DTD1: variants seen among roughly 807,000 people sequenced by gnomAD.
DTD1 encodes D-aminoacyl-tRNA deacylase 1, also known as D-tyrosyl-tRNA deacylase 1 homolog.
Under a neutral mutation model 25.6 loss-of-function variants are expected in DTD1, and 13 were observed. That is an observed-to-expected ratio of 0.51 (90% CI 0.33 to 0.81). The LOEUF (loss-of-function observed/expected upper bound fraction) is 0.81, where lower values mean the gene tolerates loss of function less well. Among genes scored for constraint, DTD1 ranks in the 30% least tolerant of loss-of-function variants. The pLI is 0.02. For missense variants in DTD1, 193 were observed against 266.4 expected (o/e 0.72, Z 1.92); for synonymous variants, 110 against 103.6 (o/e 1.06, Z -0.37).
Position 18,610,878 on chromosome 20 carries a change from C to T in DTD1, c.370+14637C>T, listed in dbSNP as rs951718981. 2.0e-5 allele frequency among the ~76,000 whole-genome samples: 3 copies of T among 152,376 alleles called. No individual in the cohort carries two copies. In the East Asian group the frequency reaches 5.8e-4, roughly 29 times the overall value. On this transcript the variant is annotated intron_variant, in intron 3 of 5. Coordinates refer to ENST00000377452, the MANE Select transcript of DTD1 (RefSeq NM_080820.6). ...AGTGAGCTGAGATGGTGCTGCTGCA[C>T]TCCAGCCTGGGTGACAGAGCGAGAC... is the stretch of plus-strand genomic sequence containing the variant.
In DTD1 at chr20:18,672,122, T is replaced by A. The variant is rs929447195; in HGVS notation, c.477+43889T>A. Among the ~76,000 whole-genome samples the A allele has an allele frequency of 2.6e-4, 40 of 152,056 alleles. 1 individual carries two copies. Among genetic ancestry groups the A allele is most frequent in the African/African-American group, 9.7e-4 (40 of 41,392 alleles). ...GGTGGTGCATGCCTGTGGTCTCAGC[T>A]ACTCAGGAGGCTGAGGTGGGCAGAT... On this transcript the variant is annotated intron_variant, in intron 4 of 5. Coordinates refer to ENST00000377452, the MANE Select transcript of DTD1 (RefSeq NM_080820.6).
At chr20:18,706,516 C>T (rs775233510) in intron 4 of DTD1, among the ~76,000 whole-genome samples, 3 of 152,102 alleles carry the variant, frequency 2.0e-5, no homozygotes, top group Non-Finnish European at 1.5e-5. Flanking sequence ...TGAATGTGGG[C>T]AGTTCAGCAT....
chr20:18,706,713 A>T lies in DTD1; in HGVS notation c.478-37387A>T, dbSNP rs144886886. Among the ~76,000 whole-genome samples the T allele has an allele frequency of 3.1e-3, 474 of 152,316 alleles. 4 individuals carry two copies. The highest frequency in any genetic ancestry group is 5.2e-3 in the Non-Finnish European group (356 of 68,020). On this transcript the variant is annotated intron_variant, in intron 4 of 5. Coordinates refer to ENST00000377452, the MANE Select transcript of DTD1 (RefSeq NM_080820.6). ...AATGACCTTTTACTTGTGTTCTCTG[A>T]GGCAGATCAAGTGGAGTTTATTTCT...
intron 4 of DTD1, among the ~76,000 whole-genome samples, chr20:18,708,295 A>ATT (rs1568676985): frequency 1.7e-5 from 1 of 59,220 alleles, no homozygotes; most frequent in African/African-American, 6.9e-5. Flanking sequence ...TTATATATAT[A>ATT]TAATATATAT....
At chr20:18,631,388 G>A in intron 4 of DTD1, 1 of 985,762 alleles carries the variant, frequency 1.0e-6, no homozygotes, top group Non-Finnish European at 1.2e-6. Flanking sequence ...ACTGACCTGG[G>A]CTTTGGAGCC....
chr20:18,632,032 A>C, intron 4 of DTD1: 2 of 847,074 alleles, frequency 2.4e-6, no homozygotes, highest in Non-Finnish European at 2.8e-6. Flanking sequence ...AGGAATTCTC[A>C]GCACACACAG....
chr20:18,593,824 A>G lies in DTD1; in HGVS notation c.134+3A>G. 6.2e-7 allele frequency: 1 copy of G among 1,612,294 alleles called. No individual in the cohort carries two copies. The highest frequency in any genetic ancestry group is 8.5e-7 in the Non-Finnish European group (1 of 1,178,652). ...ACGCAGAAGGAACTGGAACACATGTAAGATGCATTTCTGTCATTGCTGTTT... is the reference window on the plus strand; with the variant it reads ...ACGCAGAAGGAACTGGAACACATGTGAGATGCATTTCTGTCATTGCTGTTT... On this transcript the variant is annotated splice_donor_region_variant and intron_variant, in intron 2 of 5. Coordinates refer to ENST00000377452, the MANE Select transcript of DTD1 (RefSeq NM_080820.6).
chr20:18,676,545 G>A (rs2060975414), intron 4 of DTD1, among the ~76,000 whole-genome samples: 1 of 152,232 alleles, frequency 6.6e-6, no homozygotes, highest in South Asian at 2.1e-4. Flanking sequence ...TCTCCACCCC[G>A]TGGTGTAGCC....
At chr20:18,588,195 C>T in intron 1 of DTD1, 80 bp downstream of exon 1, 1 of 1,179,726 alleles carries the variant, frequency 8.5e-7, no homozygotes, top group South Asian at 4.0e-5. Context: ...GGTCTTCCTG[C>T]GCCATCCTTG....
chr20:18,619,292 T>A (rs1394534989), intron 3 of DTD1, among the ~76,000 whole-genome samples: 1 of 152,240 alleles, frequency 6.6e-6, no homozygotes, highest in African/African-American at 2.4e-5. Flanking sequence ...ACAATTTTGA[T>A]CCCTAAGCAG....
intron 5 of DTD1, among the ~76,000 whole-genome samples, chr20:18,753,256 A>C (rs1407106741): frequency 6.6e-6 from 1 of 152,182 alleles, no homozygotes; most frequent in African/African-American, 2.4e-5. Context: ...AACAGCACCA[A>C]CCTGTAGGGA....
intron 4 of DTD1, among the ~76,000 whole-genome samples, chr20:18,738,543 C>T (rs567178222): frequency 5.8e-4 from 88 of 152,196 alleles, no homozygotes; most frequent in South Asian, 8.3e-4. Flanking sequence ...TGCACCATTC[C>T]GAAGCTCCGT....
chr20:18,594,719 A>G (rs1323209960), intron 2 of DTD1, among the ~76,000 whole-genome samples: 1 of 152,216 alleles, frequency 6.6e-6, no homozygotes, highest in Non-Finnish European at 1.5e-5. Context: ...ATCATTCAAT[A>G]CTATTTCAGT....
At chr20:18,759,335 TG>T (rs1468373624) in intron 5 of DTD1, among the ~76,000 whole-genome samples, 1 of 152,232 alleles carries the variant, frequency 6.6e-6, no homozygotes, top group Non-Finnish European at 1.5e-5. Context: ...CTAGCCTCGA[TG>T]GTCTTTACAA....
rs186168448 is a variant in DTD1, at chr20:18,701,278, C to T, written c.478-42822C>T. 3.3e-5 allele frequency among the ~76,000 whole-genome samples: 5 copies of T among 152,282 alleles called. 1 individual carries two copies. Among genetic ancestry groups the T allele is most frequent in the Admixed American group, 3.3e-4 (5 of 15,296 alleles). ...TACAGCTGGAGAGAAAACATGTTAC[C>T]TAACGGACTTGGTTTAATGAACTCC... is the stretch of plus-strand genomic sequence containing the variant. On this transcript the variant is annotated intron_variant, in intron 4 of 5. Transcript: ENST00000377452.
chr20:18,745,405 C>T (rs1365952029), intron 5 of DTD1, among the ~76,000 whole-genome samples: 2 of 152,144 alleles, frequency 1.3e-5, no homozygotes, highest in Non-Finnish European at 2.9e-5. Flanking sequence ...TTTGAGGGAC[C>T]CAGGACCTGT....
At chr20:18,648,530 G>C (rs1261180893) in intron 4 of DTD1, among the ~76,000 whole-genome samples, 1 of 152,108 alleles carries the variant, frequency 6.6e-6, no homozygotes, top group African/African-American at 2.4e-5. Context: ...AGTGTAAAAT[G>C]AAAAATGCCA....
chr20:18,761,811 A>T (rs2061364119), intron 5 of DTD1, among the ~76,000 whole-genome samples: 1 of 152,240 alleles, frequency 6.6e-6, no homozygotes, highest in Admixed American at 6.5e-5. Flanking sequence ...AATAGTCCCC[A>T]GGTCCGTAAC....
chr20:18,620,121 G>A (rs2060727625), intron 3 of DTD1: 1 of 152,178 alleles, frequency 6.6e-6, no homozygotes, highest in Non-Finnish European at 1.5e-5. Context: ...CAGGTAAGGT[G>A]AATTTCTCCC....
Sources: allele counts gnomAD v4.1 joint callset (sites outside exome capture counted in the v4.1 genomes callset), GRCh38; gene constraint gnomAD v4.1.1; transcripts MANE v1.5; gene names NCBI Gene and HGNC (gene_info 2026-07-23, HGNC 2026-07-21).